ZFPM2: variants seen among roughly 807,000 people sequenced by gnomAD.
The protein encoded by ZFPM2 is zinc finger protein ZFPM2.
ZFPM2 carries 20 observed loss-of-function variants against 98.6 expected under a neutral mutation model. The ratio of observed to expected loss-of-function variants is 0.20; its 90% CI spans 0.14 to 0.29. The LOEUF is 0.29. Among genes scored for constraint, ZFPM2 ranks in the 10% least tolerant of loss-of-function variants. The pLI is 1.00. For synonymous variants in ZFPM2, 518 were observed against 502.7 expected (o/e 1.03, Z -0.41); for missense variants, 1,310 against 1,388.6 (o/e 0.94, Z 0.90).
chr8:105,466,588 A>G (rs910445979), intron 3 of ZFPM2, among the ~76,000 whole-genome samples: 4 of 152,060 alleles, frequency 2.6e-5, no homozygotes, highest in Non-Finnish European at 5.9e-5. Flanking sequence ...AGGTCCTTCT[A>G]TACCACAGAG....
intron 5 of ZFPM2, among the ~76,000 whole-genome samples, chr8:105,721,003 A>T (rs1419577122): frequency 2.0e-5 from 3 of 151,928 alleles, no homozygotes; most frequent in Non-Finnish European, 4.4e-5. Flanking sequence ...GAACGACTGC[A>T]TTGTAAAAAC....
chr8:105,487,892 G>GTCTATCTATCTATCTATCTA (rs752314176), intron 3 of ZFPM2, among the ~76,000 whole-genome samples: 9 of 103,344 alleles, frequency 8.7e-5, no homozygotes, highest in African/African-American at 2.0e-4. Flanking sequence ...AAGTCTGTCT[G>GTCTATCTATCTATCTATCTA]TCTATCTATC....
intron 5 of ZFPM2, among the ~76,000 whole-genome samples, chr8:105,765,468 C>T (rs1416068634): frequency 2.6e-5 from 4 of 151,718 alleles, no homozygotes; most frequent in African/African-American, 9.7e-5. Flanking sequence ...TCTAGAGTTC[C>T]AGTCGCTTTA....
chr8:105,572,133 G>A lies in ZFPM2; in HGVS notation c.420+10652G>A, dbSNP rs1052740089. On this transcript the variant is annotated intron_variant, in intron 4 of 7. Coordinates refer to ENST00000407775, the MANE Select transcript of ZFPM2 (RefSeq NM_012082.4). ...TCTCACTGCAAGCTCCACCTCCCGG[G>A]TTCATGCCATTCTCCTGCCTCAGCT... Among the ~76,000 whole-genome samples the A allele has an allele frequency of 5.3e-5, 8 of 150,846 alleles. No individual in the cohort carries two copies. The South Asian group carries it at 6.3e-4, about 12-fold the overall frequency.
At position 105,802,243 on chromosome 8, in the gene ZFPM2, T is replaced by C. The variant is rs539832236; in HGVS notation, c.2161T>C (p.Ser721Pro). 2.1e-5 allele frequency: 34 copies of C among 1,613,608 alleles called. No individual in the cohort carries two copies. Among genetic ancestry groups the C allele is most frequent in the Middle Eastern group, 3.3e-4 (2 of 6,084 alleles). ...ATRHDPPLKR[S>P]ASNKVPAMQR... ...ACGCCACGACCCTCCACTGAAGAGG[T>C]CTGCTTCCAACAAAGTGCCTGCCAT... Residue 721 changes from serine (S) to proline (P), a missense_variant, in exon 8 of 8, where the codon TCT becomes CCT. By Grantham distance (74) the Ser-to-Pro change is moderately conservative. Transcript: ENST00000407775.
chr8:105,467,695 C>T (rs1255978830), intron 3 of ZFPM2, among the ~76,000 whole-genome samples: 1 of 151,990 alleles, frequency 6.6e-6, no homozygotes, highest in Non-Finnish European at 1.5e-5. Context: ...AAGTAGTAGG[C>T]TGAGTCTTTG....
rs1480759752 is a variant in ZFPM2, at chr8:105,481,079, C to T, written c.301+36698C>T. 2.0e-5 allele frequency among the ~76,000 whole-genome samples: 3 copies of T among 152,026 alleles called. No individual in the cohort carries two copies. In the South Asian group the frequency reaches 6.2e-4, roughly 31 times the overall value. ...TTACATTTTTTAAAAATCCAGTTCA[C>T]AGAAGTGGTTGCAAAGGTCAGAGTA... On this transcript the variant is annotated intron_variant, in intron 3 of 7. Coordinates refer to ENST00000407775, the MANE Select transcript of ZFPM2 (RefSeq NM_012082.4).
intron 3 of ZFPM2, among the ~76,000 whole-genome samples, chr8:105,499,994 C>G (rs539907941): frequency 6.6e-6 from 1 of 152,240 alleles, no homozygotes; most frequent in South Asian, 2.1e-4. Context: ...ATCTTGGATA[C>G]GTTTTGTTTC....
intron 5 of ZFPM2, among the ~76,000 whole-genome samples, chr8:105,757,563 A>C (rs957921754): frequency 3.3e-5 from 5 of 152,194 alleles, no homozygotes; most frequent in African/African-American, 1.2e-4. Context: ...CCATAATTCA[A>C]AATAAATTTG....
intron 4 of ZFPM2, among the ~76,000 whole-genome samples, chr8:105,586,635 C>A (rs1444435706): frequency 6.6e-6 from 1 of 151,328 alleles, no homozygotes; most frequent in Non-Finnish European, 1.5e-5. Context: ...ATTGGCCAGG[C>A]TGCTCTTGGA....
chr8:105,359,510 G>A (rs1332364554), intron 1 of ZFPM2, among the ~76,000 whole-genome samples: 2 of 151,798 alleles, frequency 1.3e-5, no homozygotes, highest in Admixed American at 6.6e-5. Context: ...GAGTAGCTGG[G>A]ACTACAGGCA....
At chr8:105,406,968 A>G (rs1243153549) in intron 1 of ZFPM2, among the ~76,000 whole-genome samples, 2 of 151,962 alleles carry the variant, frequency 1.3e-5, no homozygotes, top group Non-Finnish European at 2.9e-5. Context: ...ACTGCAAGAT[A>G]GAACAGTGGA....
At chr8:105,459,997 C>T (rs1186127140) in intron 3 of ZFPM2, among the ~76,000 whole-genome samples, 1 of 152,092 alleles carries the variant, frequency 6.6e-6, no homozygotes, top group African/African-American at 2.4e-5. Context: ...CTGCTTCCCT[C>T]ACCCCTTGTT....
rs34267329 is a variant in ZFPM2 at position 105,754,946 on chromosome 8, ATGTGTGTGTGTG to A, written c.533-33745_533-33734del. Among the ~76,000 whole-genome samples the A allele has an allele frequency of 7.3e-3, 1,068 of 146,548 alleles. 15 individuals carry two copies. Among genetic ancestry groups the A allele is most frequent in the African/African-American group, 0.024 (950 of 40,394 alleles). ...TTGTGACGGTCTGGAGAAATTTAAT[ATGTGTGTGTGTG>A]TGTGTGTGTGTGTGTGTGTGTGTGT... On this transcript the variant is annotated intron_variant, in intron 5 of 7. Transcript: ENST00000407775.
At chr8:105,330,625 T>TAC (rs1563607022) in intron 1 of ZFPM2, among the ~76,000 whole-genome samples, 5 of 71,618 alleles carry the variant, frequency 7.0e-5, no homozygotes, top group Admixed American at 1.4e-4. Flanking sequence ...TATATATATA[T>TAC]ATATATACAT....
chr8:105,787,207 G>C (rs1158813515), intron 5 of ZFPM2: 1 of 152,170 alleles, frequency 6.6e-6, no homozygotes, highest in Non-Finnish European at 1.5e-5. Context: ...ATTTCGACAT[G>C]ATATGGTTTA....
intron 3 of ZFPM2, among the ~76,000 whole-genome samples, chr8:105,494,182 A>AGTATATAT (rs1813411713): frequency 2.4e-5 from 1 of 41,984 alleles, no homozygotes; most frequent in Non-Finnish European, 4.4e-5. Context: ...TGCCACCAAA[A>AGTATATAT]GTATATATAT....
chr8:105,518,957 G>C (rs1813994065), intron 3 of ZFPM2, among the ~76,000 whole-genome samples: 1 of 152,096 alleles, frequency 6.6e-6, no homozygotes, highest in Admixed American at 6.6e-5. Context: ...TTAGTTAAGG[G>C]GAACTTTGCT....
chr8:105,588,416 CA>C (rs953808807), intron 4 of ZFPM2, among the ~76,000 whole-genome samples: 28 of 145,596 alleles, frequency 1.9e-4, no homozygotes, highest in Admixed American at 5.4e-4. Context: ...ATTTTTTTTC[CA>C]AAAAAAAAAT....
Sources: gnomAD v4.1 joint callset for allele counts (sites outside exome capture counted in the v4.1 genomes callset) on GRCh38, gnomAD v4.1.1 for gene constraint, MANE v1.5 for transcripts, NCBI Gene and HGNC (gene_info 2026-07-23, HGNC 2026-07-21) for gene names.